Variants in ANXA2 observed in about 807,000 individuals in gnomAD.
ANXA2 encodes the protein annexin A2.
In ANXA2, 28 loss-of-function variants were observed where a neutral mutation model predicts 47.3. That is an observed-to-expected ratio of 0.59 (90% CI 0.44 to 0.81). ANXA2 has a LOEUF of 0.81. Among genes scored for constraint, ANXA2 ranks in the 40% least tolerant of loss-of-function variants. The pLI, the probability that ANXA2 is intolerant of heterozygous loss-of-function variation, is 0.00. For synonymous variants in ANXA2, 172 were observed against 155.5 expected, an observed-to-expected ratio of 1.11 and a Z score of -0.79; for missense variants, 384 against 414.3, an observed-to-expected ratio of 0.93 and a Z score of 0.64.
intron 3 of ANXA2, among the ~76,000 whole-genome samples, chr15:60,373,474 C>A (rs571476350): frequency 2.4e-4 from 36 of 152,194 alleles, no homozygotes; most frequent in Non-Finnish European, 4.7e-4. Flanking sequence ...AAAGCACCTT[C>A]AGCCAGGGTG....
chr15:60,361,021 C>G lies in ANXA2; in HGVS notation c.277G>C (p.Gly93Arg). ...CCCAAAATCACCGTCTCCAGGTGGCCAGATAAGGCTGACTTCAGTGCTGAT... is the reference window on the plus strand; with the variant it reads ...CCCAAAATCACCGTCTCCAGGTGGCGAGATAAGGCTGACTTCAGTGCTGAT... ...LASALKSALS[G>R]HLETVILGLL... is the part of the protein sequence containing the mutation. Residue 93 changes from glycine to arginine, a missense_variant, in exon 5 of 13, where the codon GGC (glycine) becomes CGC (arginine). Coordinates refer to ENST00000451270, the MANE Select transcript of ANXA2 (RefSeq NM_004039.3). 1 of 1,613,568 alleles carries G rather than the reference C, an allele frequency of 6.2e-7. No individual in the cohort carries two copies. The highest frequency in any genetic ancestry group is 8.5e-7 in the Non-Finnish European group (1 of 1,179,460).
At chr15:60,374,805 T>C (rs1235544945) in intron 3 of ANXA2, 1 of 419,436 alleles carries the variant, frequency 2.4e-6, no homozygotes, top group Non-Finnish European at 4.7e-6. Context: ...GAAGTCAGTC[T>C]AAAGTAAACT....
intron 2 of ANXA2, among the ~76,000 whole-genome samples, chr15:60,385,077 AG>A (rs1566948031): frequency 1.3e-5 from 2 of 152,254 alleles, no homozygotes; most frequent in Non-Finnish European, 2.9e-5. Context: ...TGTAAAAAAA[AG>A]AAACAAATGC....
chr15:60,357,742 C>T (rs1302602403), intron 5 of ANXA2, among the ~76,000 whole-genome samples: 1 of 150,990 alleles, frequency 6.6e-6, no homozygotes, highest in African/African-American at 2.4e-5. Flanking sequence ...TGCAGTGAGC[C>T]GAGATCGCGC....
intron 1 of ANXA2, among the ~76,000 whole-genome samples, chr15:60,388,003 C>A (rs2062956433): frequency 6.6e-6 from 1 of 152,052 alleles, no homozygotes; most frequent in Non-Finnish European, 1.5e-5. Flanking sequence ...GCCTGGCCAA[C>A]ATGGTGAAAC....
At chr15:60,377,608 ATAAC>A (rs890493548) in intron 3 of ANXA2, among the ~76,000 whole-genome samples, 5 of 152,330 alleles carry the variant, frequency 3.3e-5, no homozygotes, top group African/African-American at 1.2e-4. Context: ...TAAAAAACAC[ATAAC>A]TAAATTTAAA....
At chr15:60,370,653 A>G (rs894374354) in intron 3 of ANXA2, among the ~76,000 whole-genome samples, 11 of 152,306 alleles carry the variant, frequency 7.2e-5, no homozygotes, top group Admixed American at 2.0e-4. Context: ...TGTCAGCACA[A>G]TCATCATCAA....
intron 2 of ANXA2, chr15:60,382,981 A>G (rs1027066118): frequency 6.5e-6 from 1 of 153,322 alleles, no homozygotes; most frequent in Non-Finnish European, 1.5e-5. Flanking sequence ...GACGGCCCAC[A>G]TCCTCCTTGT....
chr15:60,356,109 T>G, intron 6 of ANXA2, 111 bp from the exon 7 acceptor site: 2 of 767,074 alleles, frequency 2.6e-6, no homozygotes, highest in East Asian at 5.2e-5. Flanking sequence ...CTACGTCAGC[T>G]GGACATATCC....
At chr15:60,367,393 C>CG (rs1275071410) in intron 3 of ANXA2, among the ~76,000 whole-genome samples, 13 of 7,378 alleles carry the variant, frequency 1.8e-3, no homozygotes, top group African/African-American at 4.6e-3. Context: ...GGGAGGGAGG[C>CG]GGGGGGGGGT....
rs551438351 is a variant in ANXA2 at position 60,357,711 on chromosome 15, G to A, written c.358-475C>T. 2.0e-4 allele frequency among the ~76,000 whole-genome samples: 31 copies of A among 151,918 alleles called. No homozygotes were observed. The South Asian group carries it at 4.2e-3, about 20-fold the overall frequency. ...TGGGAGGCTGAGGCAGGAGAATGGCGTGAACCTGGGAGGTGGAGCTTGCAG... is the reference window on the plus strand; with the variant it reads ...TGGGAGGCTGAGGCAGGAGAATGGCATGAACCTGGGAGGTGGAGCTTGCAG... On this transcript the variant is annotated intron_variant, in intron 5 of 12. Coordinates refer to ENST00000451270, the MANE Select transcript of ANXA2 (RefSeq NM_004039.3).
At chr15:60,365,572 T>C (rs1273918116) in intron 3 of ANXA2, among the ~76,000 whole-genome samples, 1 of 152,022 alleles carries the variant, frequency 6.6e-6, no homozygotes, top group African/African-American at 2.4e-5. Flanking sequence ...AACAGAAAGG[T>C]CAAAACTGTA....
intron 4 of ANXA2, among the ~76,000 whole-genome samples, chr15:60,362,008 G>T (rs2062522393): frequency 6.6e-6 from 1 of 151,936 alleles, no homozygotes; most frequent in Non-Finnish European, 1.5e-5. Context: ...GGCTACGAGA[G>T]GTGATTTGCA....
chr15:60,386,789 A>C (rs139161670), intron 1 of ANXA2: 2 of 152,336 alleles, frequency 1.3e-5, no homozygotes, highest in Non-Finnish European at 2.9e-5. Context: ...CCACCTTTGC[A>C]ATCATACAGT....
chr15:60,373,814 T>A (rs1251715911), intron 3 of ANXA2, among the ~76,000 whole-genome samples: 1 of 152,218 alleles, frequency 6.6e-6, no homozygotes, highest in African/African-American at 2.4e-5. Context: ...ACTGCCTTCA[T>A]TCAGCTTCTC....
Position 60,352,525 on chromosome 15 carries a change from G to A in ANXA2, c.589-49C>T, listed in dbSNP as rs144491837. 1.9e-5 allele frequency: 26 copies of A among 1,345,916 alleles called. No individual in the cohort carries two copies. The highest frequency in any genetic ancestry group is 4.2e-5 in the Admixed American group (2 of 48,152). 83.4% of individuals were successfully genotyped at this position (1,345,916 alleles called of 1,614,324 possible). A position where few individuals can be genotyped will look rare whatever the true frequency, so the allele number is the denominator to read the frequency against. ...AAGTTAACTACACATCCAATGTAAC[G>A]TCAAAAAAAATGTCATGCAAAAAAA... On this transcript the variant is annotated intron_variant, in intron 8 of 12. Coordinates refer to ENST00000451270, the MANE Select transcript of ANXA2 (RefSeq NM_004039.3). The surrounding 1 kb of genome is among the most constrained non-coding windows in gnomAD (Gnocchi z 4.2).
intron 12 of ANXA2, among the ~76,000 whole-genome samples, chr15:60,348,496 G>A (rs1413021594): frequency 1.3e-5 from 2 of 152,220 alleles, no homozygotes; most frequent in Non-Finnish European, 2.9e-5. Context: ...TGTCATCCCA[G>A]CACTTTGGGA....
At chr15:60,370,441 A>T (rs1351500486) in intron 3 of ANXA2, among the ~76,000 whole-genome samples, 2 of 152,222 alleles carry the variant, frequency 1.3e-5, no homozygotes, top group Non-Finnish European at 2.9e-5. Flanking sequence ...GTAATACCAA[A>T]TACATGCATC....
At position 60,348,234 on chromosome 15, in the gene ANXA2, C is replaced by A. The variant is rs540858334; in HGVS notation, c.961-545G>T. Among the ~76,000 whole-genome samples, 115 of 152,246 alleles carry A rather than the reference C, an allele frequency of 7.6e-4. No homozygotes were observed. In the Middle Eastern group the frequency reaches 0.01, roughly 14 times the overall value. On this transcript the variant is annotated intron_variant, in intron 12 of 12. Coordinates refer to ENST00000451270, the MANE Select transcript of ANXA2 (RefSeq NM_004039.3). ...TTTATCCTTGCTAACCATGGGCATGCCTTTGGACATCTGAGGAACTTCTAG... is the reference window on the plus strand; with the variant it reads ...TTTATCCTTGCTAACCATGGGCATGACTTTGGACATCTGAGGAACTTCTAG...
Sources: allele counts gnomAD v4.1 joint callset (sites outside exome capture counted in the v4.1 genomes callset), GRCh38; gene constraint gnomAD v4.1.1; non-coding constraint Gnocchi (gnomAD v3.1); transcripts MANE v1.5; gene names NCBI Gene and HGNC (gene_info 2026-07-23, HGNC 2026-07-21).